Variants in MTR observed in about 807,000 individuals in gnomAD.
MTR encodes the protein methionine synthase.
A neutral mutation model predicts 154.8 loss-of-function variants in MTR; 84 were observed. That is an observed-to-expected ratio of 0.54 (90% CI 0.45 to 0.65). The LOEUF (loss-of-function observed/expected upper bound fraction) is 0.65, where lower values mean the gene tolerates loss of function less well. MTR is among the 30% of genes least tolerant of loss of function. The pLI is 0.00. For missense variants in MTR, 1,275 were observed against 1,570.2 expected (o/e 0.81, Z 3.18); for synonymous variants, 554 against 553.9 (o/e 1.00, Z 0.00).
intron 2 of MTR, among the ~76,000 whole-genome samples, 187 bp downstream of exon 2, chr1:236,803,829 GAGGT>G (rs1221882212): frequency 6.6e-6 from 1 of 152,252 alleles, no homozygotes; most frequent in Non-Finnish European, 1.5e-5. Context: ...ATAAGGGAAT[GAGGT>G]AGGTAGGTTT....
intron 3 of MTR, among the ~76,000 whole-genome samples, chr1:236,807,773 T>C (rs938523531): frequency 1.3e-5 from 2 of 152,208 alleles, no homozygotes; most frequent in Non-Finnish European, 2.9e-5. Flanking sequence ...AGAGCAGAAG[T>C]TGGCCAACGT....
intron 14 of MTR, among the ~76,000 whole-genome samples, chr1:236,838,202 C>T (rs552720911): frequency 3.8e-4 from 58 of 152,314 alleles, no homozygotes; most frequent in Admixed American, 1.2e-3. Flanking sequence ...TTGTAAATCC[C>T]TGGCCCATGC....
chr1:236,893,999 A>AT (rs373628591), intron 29 of MTR, among the ~76,000 whole-genome samples: 4,987 of 146,228 alleles, frequency 0.034, 272 homozygotes, highest in African/African-American at 0.11. Context: ...TTGGGGACAA[A>AT]TTTTTTTTTT....
Position 236,803,578 on chromosome 1 carries a change from C to T in MTR, c.185C>T (p.Pro62Leu), listed in dbSNP as rs61736442. 4.3e-6 allele frequency: 7 copies of T among 1,613,994 alleles called. No homozygotes were observed. The highest frequency in any genetic ancestry group is 2.2e-5 in the East Asian group (1 of 44,892). ...RGQEFKDHARPLKGNNDILSI... is the reference protein window; with the variant it reads ...RGQEFKDHARLLKGNNDILSI... ...CAGGAATTTAAAGATCATGCCAGGC[C>T]GCTGAAAGGCAACAATGACATTTTA... Residue 62 changes from proline to leucine, a missense_variant, in exon 2 of 33, where the codon CCG (proline) becomes CTG (leucine). By Grantham distance (98) the Pro-to-Leu change is moderately conservative. Transcript: ENST00000366577.
intron 3 of MTR, 72 bp from the exon 4 acceptor site, chr1:236,808,632 A>T: frequency 7.1e-7 from 1 of 1,406,614 alleles, no homozygotes; most frequent in Non-Finnish European, 1.0e-6. Context: ...TGAGTATTAG[A>T]TGGTCATGAA....
chr1:236,807,008 C>T (rs1661021842), intron 3 of MTR, among the ~76,000 whole-genome samples: 2 of 152,084 alleles, frequency 1.3e-5, no homozygotes, highest in Admixed American at 1.3e-4. Context: ...GTTGCTTCTA[C>T]CTTTCGGCTA....
chr1:236,869,824 T>C (rs1665026172), intron 22 of MTR, among the ~76,000 whole-genome samples: 1 of 152,192 alleles, frequency 6.6e-6, no homozygotes, highest in South Asian at 2.1e-4. Flanking sequence ...AGTTCAGGAC[T>C]CTGGGCCCTC....
chr1:236,799,928 A>G (rs1353331100), intron 1 of MTR: 1 of 395,020 alleles, frequency 2.5e-6, no homozygotes, highest in African/African-American at 2.2e-5. Context: ...GATGTTTTTA[A>G]ACAGCTTTTG....
At chr1:236,884,354 T>G (rs1371912853) in intron 25 of MTR, among the ~76,000 whole-genome samples, 1 of 152,206 alleles carries the variant, frequency 6.6e-6, no homozygotes, top group Non-Finnish European at 1.5e-5. Flanking sequence ...GAATAGAATA[T>G]CTTTGAAACC....
intron 15 of MTR, among the ~76,000 whole-genome samples, chr1:236,841,034 GT>G (rs1663200110): frequency 6.6e-6 from 1 of 152,224 alleles, no homozygotes; most frequent in South Asian, 2.1e-4. Context: ...TAGACAAATA[GT>G]TCCGTAAACA....
At chr1:236,886,179 T>C in intron 26 of MTR, 113 bp from the exon 27 acceptor site, 1 of 835,248 alleles carries the variant, frequency 1.2e-6, no homozygotes, top group South Asian at 1.4e-5. Flanking sequence ...TTCTCATGAA[T>C]AAGAGCATTT....
chr1:236,857,024 T>A (rs1664250459), intron 18 of MTR, among the ~76,000 whole-genome samples: 1 of 152,240 alleles, frequency 6.6e-6, no homozygotes, highest in Non-Finnish European at 1.5e-5. Flanking sequence ...GAATGATTTA[T>A]AATCCTTTGG....
Position 236,898,300 on chromosome 1 carries a change from C to A in MTR, c.*656C>A, listed in dbSNP as rs940188683. The A allele has an allele frequency of 6.6e-6, 1 of 152,226 alleles. No homozygotes were observed. 9.4% of individuals were successfully genotyped at this position (152,226 alleles called of 1,614,324 possible). A position where few individuals can be genotyped will look rare whatever the true frequency, so the allele number is the denominator to read the frequency against. On this transcript the variant is annotated 3_prime_UTR_variant, in exon 33 of 33. Coordinates refer to ENST00000366577, the MANE Select transcript of MTR (RefSeq NM_000254.3). ...CATGCTTTCTGGGCATTTTCGTCCT[C>A]CCATAATTTCATATTTCCGTACCCC...
At position 236,865,860 on chromosome 1, in the gene MTR, G is replaced by A. The variant is rs555176648; in HGVS notation, c.2405+2306G>A. On this transcript the variant is annotated intron_variant, in intron 22 of 32. Coordinates refer to ENST00000366577, the MANE Select transcript of MTR (RefSeq NM_000254.3). ...TTTTCTTTCATCCTTCCTTTTCATG[G>A]TTTTGATCCTACTACCCTGCCTGTT... Among the ~76,000 whole-genome samples, 8 of 150,486 alleles carry A rather than the reference G, an allele frequency of 5.3e-5. No homozygotes were observed. The South Asian group carries it at 1.7e-3, about 32-fold the overall frequency.
At chr1:236,805,461 A>G (rs1660926814) in intron 2 of MTR, among the ~76,000 whole-genome samples, 1 of 152,092 alleles carries the variant, frequency 6.6e-6, no homozygotes, top group Non-Finnish European at 1.5e-5. Context: ...ATTGTGTGCC[A>G]GACATTTGAT....
Position 236,852,706 on chromosome 1 carries a change from G to A in MTR, c.1812+69G>A, listed in dbSNP as rs1381966154. 2.1e-6 allele frequency: 3 copies of A among 1,407,032 alleles called. No individual in the cohort carries two copies. The African/African-American group carries it at 4.2e-5, about 20-fold the overall frequency. 87.2% of individuals were successfully genotyped at this position (1,407,032 alleles called of 1,614,324 possible). A position where few individuals can be genotyped will look rare whatever the true frequency, so the allele number is the denominator to read the frequency against. Reference sequence around the variant, plus strand: ...TTGGGGCAGGGGTTTTCAAAGTGTGGCATGCAGGCTAAGTCCGGCCTGCTG... The same window carrying A: ...TTGGGGCAGGGGTTTTCAAAGTGTGACATGCAGGCTAAGTCCGGCCTGCTG... On this transcript the variant is annotated intron_variant, in intron 17 of 32. Coordinates refer to ENST00000366577, the MANE Select transcript of MTR (RefSeq NM_000254.3).
At position 236,898,002 on chromosome 1, in the gene MTR, C is replaced by CT. The variant is rs1461161257; in HGVS notation, c.*365dup. ...GGAATCTAGGAGGCCACTTAGTCGTCTTTTTTTCCTCTTAGAAGAAAAGCC... is the reference window on the plus strand; with the variant it reads ...GGAATCTAGGAGGCCACTTAGTCGTCTTTTTTTTCCTCTTAGAAGAAAAGCC... On this transcript the variant is annotated 3_prime_UTR_variant, in exon 33 of 33. Transcript: ENST00000366577. 1.2e-5 allele frequency: 3 copies of CT among 259,298 alleles called. No homozygotes were observed. The highest frequency in any genetic ancestry group is 4.8e-5 in the South Asian group (1 of 20,976). 16.1% of individuals were successfully genotyped at this position (259,298 alleles called of 1,614,324 possible).
In MTR at chr1:236,831,103, G is replaced by T. The variant is rs540356684; in HGVS notation, c.1076-863G>T. ...GAGGCATATGGGAAGTTGCCCCAAG[G>T]TTGTTCATTCAGGTAAGTGATTTGA... On this transcript the variant is annotated intron_variant, in intron 12 of 32. Transcript: ENST00000366577. Among the ~76,000 whole-genome samples the T allele has an allele frequency of 3.3e-5, 5 of 152,266 alleles. No individual in the cohort carries two copies. In the East Asian group the frequency reaches 9.6e-4, roughly 29 times the overall value.
chr1:236,893,634 G>T (rs1350398906), intron 29 of MTR, among the ~76,000 whole-genome samples: 1 of 152,212 alleles, frequency 6.6e-6, no homozygotes, highest in Non-Finnish European at 1.5e-5. Flanking sequence ...TACCTTCTCA[G>T]CAAATATTTA....
Sources: allele counts gnomAD v4.1 joint callset (sites outside exome capture counted in the v4.1 genomes callset), GRCh38; gene constraint gnomAD v4.1.1; transcripts MANE v1.5; gene names NCBI Gene and HGNC (gene_info 2026-07-23, HGNC 2026-07-21).